The following SLC12A6 variants were observed in gnomAD, a reference collection of about 807,000 sequenced individuals.
SLC12A6 encodes the protein solute carrier family 12 member 6.
A neutral mutation model predicts 135.3 loss-of-function variants in SLC12A6; 66 were observed. That is an observed-to-expected ratio of 0.49 (90% CI 0.40 to 0.60). SLC12A6 has a LOEUF of 0.60. Ranked by LOEUF, SLC12A6 falls within the 20% of genes least tolerant of loss-of-function variation. The probability of loss-of-function intolerance (pLI) is 0.00; values close to 1 mark genes in which losing one functional copy is unlikely to be tolerated. For missense variants in SLC12A6, 1,058 were observed against 1,452.3 expected, an observed-to-expected ratio of 0.73 and a Z score of 4.41; for synonymous variants, 513 against 508.8, an observed-to-expected ratio of 1.01 and a Z score of -0.11.
Position 34,233,720 on chromosome 15 carries a change from C to T in SLC12A6, c.*161G>A, listed in dbSNP as rs1891074192. The T allele has an allele frequency of 1.5e-6, 1 of 681,256 alleles. No individual in the cohort carries two copies. The allele number at this position is 681,256 out of a possible 1,614,324, so 42.2% of individuals were successfully genotyped here. A position where few individuals can be genotyped will look rare whatever the true frequency, so the allele number is the denominator to read the frequency against. On this transcript the variant is annotated 3_prime_UTR_variant, in exon 26 of 26. Transcript: ENST00000354181. ...AATGACTGCAGATCAGATGGGAGCT[C>T]TTTTACACAGGTACTTGAGGCTCAG... is the stretch of plus-strand genomic sequence containing the variant.
At chr15:34,285,440 T>C (rs1595498385) in intron 2 of SLC12A6, among the ~76,000 whole-genome samples, 1 of 151,474 alleles carries the variant, frequency 6.6e-6, no homozygotes, top group African/African-American at 2.4e-5. Flanking sequence ...GAGATGCCAT[T>C]TACCCTTTAC....
intron 3 of SLC12A6, among the ~76,000 whole-genome samples, chr15:34,268,212 C>A (rs186688130): frequency 6.6e-6 from 1 of 152,340 alleles, no homozygotes; most frequent in Admixed American, 6.5e-5. Flanking sequence ...CACCTCCTAG[C>A]AGCTCTGGCT....
intron 2 of SLC12A6, among the ~76,000 whole-genome samples, chr15:34,306,122 T>C (rs903989908): frequency 6.6e-6 from 1 of 152,236 alleles, no homozygotes; most frequent in Non-Finnish European, 1.5e-5. Flanking sequence ...TTTTTCTCTT[T>C]CAGGTTGCCT....
intron 7 of SLC12A6, 143 bp from the exon 8 acceptor site, chr15:34,255,535 T>A (rs1892688912): frequency 1.6e-6 from 1 of 637,720 alleles, no homozygotes; most frequent in Admixed American, 2.8e-5. Context: ...TAAAAAGATG[T>A]GCTAGTGGGA....
chr15:34,275,272 G>T, intron 3 of SLC12A6, 73 bp downstream of exon 3: 1 of 780,026 alleles, frequency 1.3e-6, no homozygotes. Context: ...ATCAGAGAAG[G>T]GAGTAATGTC....
At chr15:34,307,059 G>A (rs1266598575) in intron 2 of SLC12A6, among the ~76,000 whole-genome samples, 2 of 152,170 alleles carry the variant, frequency 1.3e-5, no homozygotes, top group Non-Finnish European at 2.9e-5. Flanking sequence ...TTCTGGGGGT[G>A]ACGAAAATGT....
chr15:34,304,254 G>C (rs1196204270), intron 2 of SLC12A6, among the ~76,000 whole-genome samples: 3 of 151,832 alleles, frequency 2.0e-5, no homozygotes, highest in African/African-American at 7.3e-5. Flanking sequence ...TCAGTACTTT[G>C]TTTTTATTGC....
chr15:34,238,322 C>T lies in SLC12A6; in HGVS notation c.2712G>A (p.Glu904=). 1 of 1,613,544 alleles carries T rather than the reference C, an allele frequency of 6.2e-7. No homozygotes were observed. Among genetic ancestry groups the T allele is most frequent in the Non-Finnish European group, 8.5e-7 (1 of 1,179,432 alleles). Reference sequence around the variant, plus strand: ...CATCAATGTTGCCCTCAGAAAATTGCTCCACATTGCTGGGAAAGAAGGAGA... The same window carrying T: ...CATCAATGTTGCCCTCAGAAAATTGTTCCACATTGCTGGGAAAGAAGGAGA... ...KNISFFPSNV[E]QFSEGNIDVW... is the part of the protein sequence containing the mutation. Residue 904 remains glutamate, a synonymous_variant, in exon 21 of 26, where the codon GAG becomes GAA. Coordinates refer to ENST00000354181, the MANE Select transcript of SLC12A6 (RefSeq NM_001365088.1).
At chr15:34,276,052 C>A (rs1308360218) in intron 2 of SLC12A6, among the ~76,000 whole-genome samples, 1 of 151,932 alleles carries the variant, frequency 6.6e-6, no homozygotes, top group Non-Finnish European at 1.5e-5. Context: ...GTGTACAACA[C>A]TGTAAATGTA....
chr15:34,308,639 A>AC (rs1427590432), intron 2 of SLC12A6, among the ~76,000 whole-genome samples: 3 of 151,146 alleles, frequency 2.0e-5, no homozygotes, highest in African/African-American at 7.3e-5. Context: ...ACAAAAAAAA[A>AC]AAAAAAAAAA....
intron 2 of SLC12A6, among the ~76,000 whole-genome samples, chr15:34,292,639 G>A (rs1356262783): frequency 1.3e-5 from 2 of 152,166 alleles, no homozygotes; most frequent in Non-Finnish European, 2.9e-5. Context: ...GAGCTGTGGT[G>A]TGCTCTGCCC....
At position 34,272,979 on chromosome 15, in the gene SLC12A6, C is replaced by T. The variant is rs1201654630; in HGVS notation, c.316+2366G>A. Among the ~76,000 whole-genome samples, 3 of 152,160 alleles carry T rather than the reference C, an allele frequency of 2.0e-5. No individual in the cohort carries two copies. In the South Asian group the frequency reaches 6.2e-4, roughly 32 times the overall value. On this transcript the variant is annotated intron_variant, in intron 3 of 25. Coordinates refer to ENST00000354181, the MANE Select transcript of SLC12A6 (RefSeq NM_001365088.1). ...CAAAATTTTTCAATGAAAGTTTAATCGTTCCTGATCCAAATATAAAATTTT... is the reference window on the plus strand; with the variant it reads ...CAAAATTTTTCAATGAAAGTTTAATTGTTCCTGATCCAAATATAAAATTTT...
chr15:34,293,869 T>C (rs1285161650), intron 2 of SLC12A6, among the ~76,000 whole-genome samples: 2 of 152,148 alleles, frequency 1.3e-5, no homozygotes, highest in African/African-American at 4.8e-5. Flanking sequence ...CTCCAAAGTG[T>C]TGGGATTAGA....
chr15:34,309,534 AAAAAGCC>A (rs1887999525), intron 2 of SLC12A6, among the ~76,000 whole-genome samples: 1 of 152,198 alleles, frequency 6.6e-6, no homozygotes, highest in Non-Finnish European at 1.5e-5. Flanking sequence ...GAGAGATTCT[AAAAAGCC>A]GATGATAACA....
intron 13 of SLC12A6, among the ~76,000 whole-genome samples, chr15:34,246,758 T>C: frequency 6.6e-6 from 1 of 152,144 alleles, no homozygotes. Context: ...GCGATGCTCC[T>C]GCCTCATCCT....
chr15:34,313,047 C>G (rs185631692), intron 2 of SLC12A6, among the ~76,000 whole-genome samples: 1 of 152,302 alleles, frequency 6.6e-6, no homozygotes, highest in Admixed American at 6.5e-5. Context: ...TTCACTGAGA[C>G]ACAACAATAC....
rs1280500936 is a variant in SLC12A6 at position 34,336,411 on chromosome 15, C to T, written c.270G>A (p.Glu90=). The T allele has an allele frequency of 1.2e-6, 2 of 1,613,320 alleles. No individual in the cohort carries two copies. The highest frequency in any genetic ancestry group is 1.7e-6 in the Non-Finnish European group (2 of 1,179,298). ...GCTGCGGTCTGTGTTTCTACTTACC[C>T]TCGATGACATCCTGGGGGTGAGAAG... ...DRTSHPQDVI[E]DLSQNSITGE... is the part of the protein sequence containing the mutation. Residue 90 remains glutamate (E), a splice_region_variant and synonymous_variant, in exon 2 of 26, where the codon GAG becomes GAA. Coordinates refer to ENST00000354181, the MANE Select transcript of SLC12A6 (RefSeq NM_001365088.1).
chr15:34,271,990 T>C (rs1375476141), intron 3 of SLC12A6, among the ~76,000 whole-genome samples: 1 of 152,182 alleles, frequency 6.6e-6, no homozygotes, highest in Non-Finnish European at 1.5e-5. Context: ...TTTTTGTTTT[T>C]TTTGAGACAG....
At chr15:34,291,309 T>G (rs1595511026) in intron 2 of SLC12A6, among the ~76,000 whole-genome samples, 1 of 152,314 alleles carries the variant, frequency 6.6e-6, no homozygotes, top group East Asian at 1.9e-4. Context: ...GAATGTTGGC[T>G]CCCACTCTCT....
Sources: allele counts gnomAD v4.1 joint callset (sites outside exome capture counted in the v4.1 genomes callset), GRCh38; gene constraint gnomAD v4.1.1; transcripts MANE v1.5; gene names NCBI Gene and HGNC (gene_info 2026-07-23, HGNC 2026-07-21).